GATAD2B: variants seen among roughly 807,000 people sequenced by gnomAD.
GATAD2B encodes transcriptional repressor p66-beta.
A neutral mutation model predicts 64.3 loss-of-function variants in GATAD2B; 8 were observed. The ratio of observed to expected loss-of-function variants is 0.12; its 90% CI spans 0.07 to 0.22. The LOEUF is 0.22. Among genes scored for constraint, GATAD2B ranks in the 10% least tolerant of loss-of-function variants. The pLI is 1.00. For missense variants in GATAD2B, 453 were observed against 752.0 expected (o/e 0.60, Z 4.65); for synonymous variants, 281 against 271.3 (o/e 1.04, Z -0.35).
At chr1:153,906,221 C>A (rs1045716596) in intron 1 of GATAD2B, among the ~76,000 whole-genome samples, 9 of 151,986 alleles carry the variant, frequency 5.9e-5, no homozygotes, top group African/African-American at 1.9e-4. Flanking sequence ...AGTTCGAGAC[C>A]AGCCTGGCCA....
intron 1 of GATAD2B, among the ~76,000 whole-genome samples, chr1:153,859,642 C>G (rs1200833980): frequency 6.7e-6 from 1 of 149,868 alleles, no homozygotes; most frequent in Non-Finnish European, 1.5e-5. Flanking sequence ...TCCACTCCAG[C>G]CTGGGTAACA....
At chr1:153,892,832 C>G (rs1043518431) in intron 1 of GATAD2B, among the ~76,000 whole-genome samples, 8 of 151,348 alleles carry the variant, frequency 5.3e-5, no homozygotes, top group Non-Finnish European at 1.2e-4. Flanking sequence ...GTAGCTGGGA[C>G]TACAGGCACG....
intron 1 of GATAD2B, among the ~76,000 whole-genome samples, chr1:153,857,143 T>C (rs1371090331): frequency 1.3e-5 from 2 of 148,804 alleles, no homozygotes; most frequent in Admixed American, 6.6e-5. Flanking sequence ...TATGCATATA[T>C]ATATATATAT....
At chr1:153,852,506 G>A in intron 1 of GATAD2B, 1 of 765,016 alleles carries the variant, frequency 1.3e-6, no homozygotes, top group Non-Finnish European at 2.4e-6. Flanking sequence ...GCTCTGCACA[G>A]TGGGACTCAT....
At chr1:153,812,665 T>G (rs1254465361) in intron 8 of GATAD2B, among the ~76,000 whole-genome samples, 1 of 152,230 alleles carries the variant, frequency 6.6e-6, no homozygotes, top group African/African-American at 2.4e-5. Flanking sequence ...TGGGGTTTTA[T>G]TTTTGACTCC....
At chr1:153,832,877 A>G (rs1389315709) in intron 1 of GATAD2B, among the ~76,000 whole-genome samples, 5 of 152,146 alleles carry the variant, frequency 3.3e-5, no homozygotes, top group African/African-American at 1.2e-4. Flanking sequence ...CACATTTTCA[A>G]TGTAGATAAA....
chr1:153,858,136 T>C (rs1676155125), intron 1 of GATAD2B, among the ~76,000 whole-genome samples: 3 of 152,200 alleles, frequency 2.0e-5, no homozygotes, highest in Non-Finnish European at 4.4e-5. Flanking sequence ...CCCCTTCCTA[T>C]AAGGTTGTTC....
Position 153,813,333 on chromosome 1 carries a change from T to C in GATAD2B, c.1336A>G (p.Thr446Ala). 6.2e-7 allele frequency: 1 copy of C among 1,614,068 alleles called. No individual in the cohort carries two copies. Among genetic ancestry groups the C allele is most frequent in the Non-Finnish European group, 8.5e-7 (1 of 1,179,930 alleles). ...NGKILCEQCM[T>A]SNQKKALKAE... ...TTTAGAGCCTTTTTCTGGTTGGAGGTCATACACTGCTCACATAGAATCTTA... is the reference window on the plus strand; with the variant it reads ...TTTAGAGCCTTTTTCTGGTTGGAGGCCATACACTGCTCACATAGAATCTTA... Residue 446 changes from threonine (T) to alanine (A), a missense_variant, in exon 8 of 11, where the codon ACC becomes GCC. By Grantham distance (58) the Thr-to-Ala change is moderately conservative. This residue lies in a region of GATAD2B where 160 missense variants were observed against 334.7 expected (regional missense o/e 0.48). Transcript: ENST00000368655.
intron 1 of GATAD2B, among the ~76,000 whole-genome samples, chr1:153,860,308 A>G (rs1447905451): frequency 6.6e-6 from 1 of 152,134 alleles, no homozygotes; most frequent in Non-Finnish European, 1.5e-5. Flanking sequence ...CCCAGAAGTC[A>G]TGAATGGTAT....
intron 1 of GATAD2B, among the ~76,000 whole-genome samples, chr1:153,866,397 C>G (rs147808439): frequency 2.0e-5 from 3 of 152,054 alleles, no homozygotes; most frequent in Admixed American, 1.3e-4. Flanking sequence ...ATTAGTGGGC[C>G]TGTGTCCTCT....
In GATAD2B at chr1:153,855,687, T is replaced by A. The variant is rs199652454; in HGVS notation, c.-1-27339A>T. ...TGGCTCCTACTTATTTTATATATTT[T>A]TTTTTTACACAGGGTCTGGCTCTGT... On this transcript the variant is annotated intron_variant, in intron 1 of 10. Transcript: ENST00000368655. Among the ~76,000 whole-genome samples, 73 of 152,196 alleles carry A rather than the reference T, an allele frequency of 4.8e-4. 1 individual carries two copies. The South Asian group carries it at 0.013, about 28-fold the overall frequency.
Position 153,806,202 on chromosome 1 carries a change from C to CG in GATAD2B, c.*3974dup, listed in dbSNP as rs1396703168. On this transcript the variant is annotated 3_prime_UTR_variant, in exon 11 of 11. Transcript: ENST00000368655. The stretch of plus-strand genomic sequence containing the variant: ...TAATAATACTTGGTTTCGATGCCCC[C>CG]GGGAACTGCCCCATTCCTCGGCTAC... The CG allele has an allele frequency of 6.6e-6, 1 of 152,220 alleles. No individual in the cohort carries two copies. The highest frequency in any genetic ancestry group is 1.5e-5 in the Non-Finnish European group (1 of 68,064). The allele number at this position is 152,220 out of a possible 1,614,324, so 9.4% of individuals were successfully genotyped here.
At chr1:153,857,266 T>C (rs1293369460) in intron 1 of GATAD2B, among the ~76,000 whole-genome samples, 4 of 151,698 alleles carry the variant, frequency 2.6e-5, no homozygotes, top group Non-Finnish European at 4.4e-5. Context: ...GCCAACATAG[T>C]GAAACCCTGT....
At chr1:153,835,247 A>C (rs1295411756) in intron 1 of GATAD2B, among the ~76,000 whole-genome samples, 2 of 152,184 alleles carry the variant, frequency 1.3e-5, no homozygotes, top group Non-Finnish European at 2.9e-5. Flanking sequence ...TGACACCAGA[A>C]GATTTAGAAT....
At chr1:153,822,176 G>T (rs1439105595) in intron 2 of GATAD2B, among the ~76,000 whole-genome samples, 1 of 151,932 alleles carries the variant, frequency 6.6e-6, no homozygotes, top group Non-Finnish European at 1.5e-5. Context: ...GCAAAACTCT[G>T]TCTCAAAAAA....
At chr1:153,871,821 G>A (rs772881753) in intron 1 of GATAD2B, among the ~76,000 whole-genome samples, 30 of 152,172 alleles carry the variant, frequency 2.0e-4, no homozygotes, top group South Asian at 6.2e-4. Context: ...ATGGTGGCCC[G>A]TGCCTGTAGT....
intron 1 of GATAD2B, among the ~76,000 whole-genome samples, chr1:153,899,680 A>G (rs1248118330): frequency 5.3e-5 from 8 of 152,168 alleles, no homozygotes; most frequent in Non-Finnish European, 7.3e-5. Context: ...GGAAATGCTA[A>G]TAAGGTATAT....
intron 2 of GATAD2B, among the ~76,000 whole-genome samples, chr1:153,821,486 T>C (rs552670267): frequency 6.6e-6 from 1 of 152,208 alleles, no homozygotes; most frequent in East Asian, 1.9e-4. Flanking sequence ...AAGGTAGAAA[T>C]ACAGAAAAAG....
intron 1 of GATAD2B, chr1:153,853,032 T>A (rs531678410): frequency 3.4e-6 from 5 of 1,459,914 alleles, no homozygotes; most frequent in Non-Finnish European, 4.8e-6. Flanking sequence ...TGATGAATCC[T>A]TGGCCCCAGT....
Sources: gnomAD v4.1 joint callset for allele counts (sites outside exome capture counted in the v4.1 genomes callset) on GRCh38, gnomAD v4.1.1 for gene constraint, gnomAD v4.1.1 regional missense constraint, MANE v1.5 for transcripts, NCBI Gene and HGNC (gene_info 2026-07-23, HGNC 2026-07-21) for gene names.